Variants in KCNIP4 observed in about 807,000 individuals in gnomAD.
The protein encoded by KCNIP4 is potassium voltage-gated channel interacting protein 4.
A neutral mutation model predicts 34.0 loss-of-function variants in KCNIP4; 12 were observed. The ratio of observed to expected loss-of-function variants is 0.35; its 90% confidence interval spans 0.23 to 0.57. The LOEUF is 0.57. Ranked by LOEUF, KCNIP4 falls within the 20% of genes least tolerant of loss-of-function variation. The pLI is 0.83. For synonymous variants in KCNIP4, 124 were observed against 102.2 expected (o/e 1.21, Z -1.29); for missense variants, 238 against 311.7 (o/e 0.76, Z 1.78).
At chr4:20,976,533 G>A (rs938243561) in intron 1 of KCNIP4, among the ~76,000 whole-genome samples, 1 of 152,186 alleles carries the variant, frequency 6.6e-6, no homozygotes, top group African/African-American at 2.4e-5. Flanking sequence ...GGAAGATTAA[G>A]TAACTTGTTC....
chr4:21,084,674 C>G (rs1279444843), intron 1 of KCNIP4, among the ~76,000 whole-genome samples: 1 of 150,452 alleles, frequency 6.6e-6, no homozygotes, highest in Admixed American at 6.7e-5. Flanking sequence ...GCATTTTTTT[C>G]TAGAATATAT....
chr4:21,123,955 C>T (rs893314808), intron 1 of KCNIP4, among the ~76,000 whole-genome samples: 6 of 151,772 alleles, frequency 4.0e-5, no homozygotes, highest in Non-Finnish European at 7.4e-5. Flanking sequence ...AATAAATGTC[C>T]GTTGCTTAGG....
At chr4:20,854,072 A>G (rs2149487347) in intron 2 of KCNIP4, among the ~76,000 whole-genome samples, 1 of 152,348 alleles carries the variant, frequency 6.6e-6, no homozygotes, top group African/African-American at 2.4e-5. Context: ...CATTATGGAA[A>G]ACAATGTGGA....
At chr4:20,935,506 T>G (rs1185379529) in intron 1 of KCNIP4, among the ~76,000 whole-genome samples, 1 of 152,196 alleles carries the variant, frequency 6.6e-6, no homozygotes, top group African/African-American at 2.4e-5. Context: ...TCTCCATACC[T>G]AATTCTACTA....
chr4:21,694,804 T>C (rs1346218014), intron 1 of KCNIP4, among the ~76,000 whole-genome samples: 1 of 151,778 alleles, frequency 6.6e-6, no homozygotes, highest in Non-Finnish European at 1.5e-5. Context: ...AAATGGCCCA[T>C]TGTGGTATCA....
chr4:21,834,125 G>A (rs1240575928), intron 1 of KCNIP4, among the ~76,000 whole-genome samples: 2 of 152,130 alleles, frequency 1.3e-5, no homozygotes, highest in African/African-American at 4.8e-5. Flanking sequence ...CCAATTCTGT[G>A]AAGAAAGTCA....
At chr4:21,686,171 T>C (rs1336728318) in intron 1 of KCNIP4, among the ~76,000 whole-genome samples, 1 of 152,180 alleles carries the variant, frequency 6.6e-6, no homozygotes, top group Non-Finnish European at 1.5e-5. Context: ...CTTATCCTAA[T>C]CTGGTGGTCT....
rs111442807 is a variant in KCNIP4 at position 21,071,877 on chromosome 4, G to C, written c.62-189168C>G. ...CTCATTGTTCAATTCCCATCTATGAGTGACAACATGTGGTGTTTGGTTTTT... is the reference window on the plus strand; with the variant it reads ...CTCATTGTTCAATTCCCATCTATGACTGACAACATGTGGTGTTTGGTTTTT... On this transcript the variant is annotated intron_variant, in intron 1 of 8. Coordinates refer to ENST00000382152, the MANE Select transcript of KCNIP4 (RefSeq NM_025221.6). Among the ~76,000 whole-genome samples the C allele has an allele frequency of 6.2e-3, 942 of 152,214 alleles. 8 individuals carry two copies. The highest frequency in any genetic ancestry group is 0.022 in the African/African-American group (900 of 41,510).
At chr4:21,454,407 G>A (rs77811473) in intron 1 of KCNIP4, among the ~76,000 whole-genome samples, 1,985 of 152,184 alleles carry the variant, frequency 0.013, 56 homozygotes, top group African/African-American at 0.045. Context: ...TGAGAAGGCC[G>A]TGAGAGAGGC....
intron 1 of KCNIP4, among the ~76,000 whole-genome samples, chr4:21,062,036 A>G (rs1351329258): frequency 6.6e-6 from 1 of 152,160 alleles, no homozygotes; most frequent in Non-Finnish European, 1.5e-5. Context: ...GAGAAAATAA[A>G]TTGCTGTTAT....
intron 1 of KCNIP4, among the ~76,000 whole-genome samples, chr4:21,254,756 A>C (rs1387315787): frequency 2.0e-5 from 3 of 152,148 alleles, no homozygotes. Context: ...AGTTGCCCCC[A>C]AGAGTTCACA....
intron 1 of KCNIP4, among the ~76,000 whole-genome samples, chr4:20,915,771 C>T (rs1728751401): frequency 6.6e-6 from 1 of 152,036 alleles, no homozygotes; most frequent in African/African-American, 2.4e-5. Flanking sequence ...ATTATAGATA[C>T]AATATTTGGA....
At chr4:21,451,062 G>T (rs1164381518) in intron 1 of KCNIP4, among the ~76,000 whole-genome samples, 1 of 152,116 alleles carries the variant, frequency 6.6e-6, no homozygotes, top group African/African-American at 2.4e-5. Flanking sequence ...AGGATAACAG[G>T]TGTTTCATAC....
At chr4:21,603,360 A>T (rs1473214044) in intron 1 of KCNIP4, among the ~76,000 whole-genome samples, 1 of 152,156 alleles carries the variant, frequency 6.6e-6, no homozygotes, top group Non-Finnish European at 1.5e-5. Context: ...TGTGGGAAAG[A>T]AAAAGAGGAG....
At position 21,824,216 on chromosome 4, in the gene KCNIP4, T is replaced by G. The variant is rs557559812; in HGVS notation, c.61+124355A>C. Among the ~76,000 whole-genome samples the G allele has an allele frequency of 6.7e-4, 102 of 152,276 alleles. 1 individual carries two copies. Among genetic ancestry groups the G allele is most frequent in the Non-Finnish European group, 1.2e-3 (82 of 68,020 alleles). ...AAAATAATGTTGGGAGAAACTTGGT[T>G]TACAGTTTAATTTTGAAACGAAGAT... On this transcript the variant is annotated intron_variant, in intron 1 of 8. Coordinates refer to ENST00000382152, the MANE Select transcript of KCNIP4 (RefSeq NM_025221.6).
At chr4:20,936,370 T>C (rs2149609959) in intron 1 of KCNIP4, among the ~76,000 whole-genome samples, 1 of 152,122 alleles carries the variant, frequency 6.6e-6, no homozygotes, top group Non-Finnish European at 1.5e-5. Context: ...AGCAAACATT[T>C]ATTCCGGATC....
chr4:21,554,037 T>C (rs1738791778), intron 1 of KCNIP4, among the ~76,000 whole-genome samples: 2 of 152,104 alleles, frequency 1.3e-5, no homozygotes, highest in Admixed American at 6.6e-5. Context: ...TACATTATTA[T>C]GTAATGCCAA....
chr4:21,778,345 C>T (rs1244650659), intron 1 of KCNIP4, among the ~76,000 whole-genome samples: 2 of 149,766 alleles, frequency 1.3e-5, no homozygotes, highest in Non-Finnish European at 3.0e-5. Flanking sequence ...AGTGATCCTC[C>T]CACTTCAGCC....
intron 1 of KCNIP4, among the ~76,000 whole-genome samples, chr4:21,124,518 T>A (rs1750443576): frequency 6.6e-6 from 1 of 152,206 alleles, no homozygotes; most frequent in South Asian, 2.1e-4. Context: ...CCTTCCTTGC[T>A]CTGTCTGCCC....
Sources: allele counts gnomAD v4.1 joint callset (sites outside exome capture counted in the v4.1 genomes callset), GRCh38; gene constraint gnomAD v4.1.1; transcripts MANE v1.5; gene names NCBI Gene and HGNC (gene_info 2026-07-23, HGNC 2026-07-21).